USP6NL: variants seen among roughly 807,000 people sequenced by gnomAD.
USP6NL encodes USP6 N-terminal-like protein.
A neutral mutation model predicts 61.9 loss-of-function variants in USP6NL; 26 were observed. That is an observed-to-expected ratio of 0.42 (90% CI 0.31 to 0.58). The LOEUF (loss-of-function observed/expected upper bound fraction) is 0.58. Among genes scored for constraint, USP6NL ranks in the 20% least tolerant of loss-of-function variants. The pLI is 0.16. For synonymous variants in USP6NL, 432 were observed against 390.1 expected (o/e 1.11, Z -1.27); for missense variants, 1,114 against 1,034.3 (o/e 1.08, Z -1.06).
At chr10:11,551,836 T>C (rs564969580) in intron 2 of USP6NL, among the ~76,000 whole-genome samples, 4 of 152,336 alleles carry the variant, frequency 2.6e-5, no homozygotes, top group African/African-American at 9.6e-5. Context: ...CACTGTAATT[T>C]TGTATCAAAT....
chr10:11,485,374 C>A lies in USP6NL; in HGVS notation c.760-140G>T, dbSNP rs1442908391. On this transcript the variant is annotated intron_variant, in intron 11 of 14. Coordinates refer to ENST00000609104, the MANE Select transcript of USP6NL (RefSeq NM_014688.5). The surrounding 1 kb of genome is among the most constrained non-coding windows in gnomAD (Gnocchi z 4.8). ...TCAAAATCACTCCAAGAATAAATTC[C>A]TCTTAGGACTGTAATACAACAATTA... The A allele has an allele frequency of 4.6e-6, 3 of 656,470 alleles. No homozygotes were observed. Among genetic ancestry groups the A allele is most frequent in the Non-Finnish European group, 7.6e-6 (3 of 396,902 alleles). The allele number at this position is 656,470 out of a possible 1,614,324, so 40.7% of individuals were successfully genotyped here.
chr10:11,475,301 CAAAAA>C (rs766814955), intron 14 of USP6NL, among the ~76,000 whole-genome samples: 2 of 127,590 alleles, frequency 1.6e-5, no homozygotes, highest in East Asian at 4.2e-4. Context: ...GAAAGTTTGC[CAAAAA>C]AAAAAAAAAA....
At chr10:11,506,099 G>C (rs1838472712) in intron 6 of USP6NL, among the ~76,000 whole-genome samples, 1 of 152,140 alleles carries the variant, frequency 6.6e-6, no homozygotes, top group Non-Finnish European at 1.5e-5. Context: ...ACATTCTTTT[G>C]CTTGTTGCTA....
intron 2 of USP6NL, among the ~76,000 whole-genome samples, chr10:11,542,767 G>C (rs913036169): frequency 6.6e-6 from 1 of 152,102 alleles, no homozygotes; most frequent in Non-Finnish European, 1.5e-5. Context: ...TCACCATGTG[G>C]ACAAGGAGAG....
At chr10:11,593,143 T>A (rs1292734711) in intron 2 of USP6NL, among the ~76,000 whole-genome samples, 1 of 152,216 alleles carries the variant, frequency 6.6e-6, no homozygotes, top group Non-Finnish European at 1.5e-5. Flanking sequence ...AGAAAAACTC[T>A]TAGGAAATCT....
intron 2 of USP6NL, among the ~76,000 whole-genome samples, chr10:11,558,607 A>C (rs1296125499): frequency 6.6e-6 from 1 of 152,160 alleles, no homozygotes; most frequent in Non-Finnish European, 1.5e-5. Context: ...TGGAACCCAT[A>C]ATCAAACCAC....
chr10:11,498,008 C>T (rs1171814631), intron 7 of USP6NL, among the ~76,000 whole-genome samples: 1 of 151,842 alleles, frequency 6.6e-6, no homozygotes, highest in Non-Finnish European at 1.5e-5. Flanking sequence ...GAGGCCAAGG[C>T]GGGTGGATCA....
rs1225619518 is a variant in USP6NL at position 11,600,719 on chromosome 10, C to T, written c.-83-3002G>A. On this transcript the variant is annotated intron_variant, in intron 1 of 14. Transcript: ENST00000609104. The surrounding 1 kb of genome is among the most constrained non-coding windows in gnomAD (Gnocchi z 4.1). Reference sequence around the variant, plus strand: ...GCACGGTGGCTCACGCCTGTAATCCCAGCACTTTGGGAGGCCGAGGCGGGT... The same window carrying T: ...GCACGGTGGCTCACGCCTGTAATCCTAGCACTTTGGGAGGCCGAGGCGGGT... Among the ~76,000 whole-genome samples, 1 of 152,088 alleles carries T rather than the reference C, an allele frequency of 6.6e-6. No individual in the cohort carries two copies. The highest frequency in any genetic ancestry group is 1.5e-5 in the Non-Finnish European group (1 of 68,016).
At position 11,518,543 on chromosome 10, in the gene USP6NL, C is replaced by A. The variant is rs1484885007; in HGVS notation, c.187G>T (p.Val63Leu). 26 of 1,612,948 alleles carry A rather than the reference C, an allele frequency of 1.6e-5. No homozygotes were observed. The highest frequency in any genetic ancestry group is 2.0e-5 in the Non-Finnish European group (24 of 1,179,532). Residue 63 changes from valine to leucine, a missense_variant, in exon 5 of 15, where the codon GTG becomes TTG. By Grantham distance (32) the Val-to-Leu change is conservative. Coordinates refer to ENST00000609104, the MANE Select transcript of USP6NL (RefSeq NM_014688.5). The surrounding 1 kb of genome is among the most constrained non-coding windows in gnomAD (Gnocchi z 5.3). ...EEELPDHNVA[V>L]ERQKHLEIER... ...TCAAGAGCAGGACTTACCCGTTCCACAGCCACATTATGATCTGGGAGCTCC... is the reference window on the plus strand; with the variant it reads ...TCAAGAGCAGGACTTACCCGTTCCAAAGCCACATTATGATCTGGGAGCTCC...
chr10:11,554,043 CT>C (rs1836592142), intron 2 of USP6NL, among the ~76,000 whole-genome samples: 5 of 152,288 alleles, frequency 3.3e-5, no homozygotes, highest in Admixed American at 3.3e-4. Flanking sequence ...CCTCTATCCT[CT>C]GTAAGGCCTC....
chr10:11,461,864 T>C lies in USP6NL; in HGVS notation c.*577A>G, dbSNP rs1286283044. 6.6e-6 allele frequency: 1 copy of C among 152,528 alleles called. No homozygotes were observed. The highest frequency in any genetic ancestry group is 1.5e-5 in the Non-Finnish European group (1 of 68,310). The allele number at this position is 152,528 out of a possible 1,614,324, so 9.4% of individuals were successfully genotyped here. ...GTCAGGACAAACTCTTCAGTCAGTTTAGGACCCAGGTTACAAATATATGAG... is the reference window on the plus strand; with the variant it reads ...GTCAGGACAAACTCTTCAGTCAGTTCAGGACCCAGGTTACAAATATATGAG... On this transcript the variant is annotated 3_prime_UTR_variant, in exon 15 of 15. Transcript: ENST00000609104.
At chr10:11,607,421 C>T (rs1232939730) in intron 1 of USP6NL, among the ~76,000 whole-genome samples, 3 of 152,160 alleles carry the variant, frequency 2.0e-5, no homozygotes, top group African/African-American at 7.2e-5. Context: ...AAGTGGCTCA[C>T]AACTGCAATC....
intron 1 of USP6NL, among the ~76,000 whole-genome samples, chr10:11,599,466 A>C (rs1222774068): frequency 6.6e-6 from 1 of 152,232 alleles, no homozygotes; most frequent in Admixed American, 6.5e-5. Flanking sequence ...AGTTCTTAAG[A>C]CATCAAGAGT....
At position 11,485,139 on chromosome 10, in the gene USP6NL, T is replaced by G; in HGVS notation, c.825+30A>C. 1.3e-6 allele frequency: 2 copies of G among 1,537,544 alleles called. No individual in the cohort carries two copies. Among genetic ancestry groups the G allele is most frequent in the Non-Finnish European group, 8.8e-7 (1 of 1,142,674 alleles). On this transcript the variant is annotated intron_variant, in intron 12 of 14. Transcript: ENST00000609104. The surrounding 1 kb of genome is among the most constrained non-coding windows in gnomAD (Gnocchi z 4.8). Reference sequence around the variant, plus strand: ...TCCCCTCACCTTGTATTTATAATTTTATGACTGAGTTTTGTAAATAAATAC... The same window carrying G: ...TCCCCTCACCTTGTATTTATAATTTGATGACTGAGTTTTGTAAATAAATAC...
rs537327813 is a variant in USP6NL, at chr10:11,567,399, A to G, written c.4+30232T>C. On this transcript the variant is annotated intron_variant, in intron 2 of 14. Coordinates refer to ENST00000609104, the MANE Select transcript of USP6NL (RefSeq NM_014688.5). ...TGGACTCATTTTTCTTTAAAACATT[A>G]TTAAATTAATTACAACCTGTACTAA... Among the ~76,000 whole-genome samples the G allele has an allele frequency of 3.3e-5, 5 of 152,336 alleles. No individual in the cohort carries two copies. In the East Asian group the frequency reaches 9.6e-4, roughly 29 times the overall value.
rs923527176 is a variant in USP6NL at position 11,585,465 on chromosome 10, A to T, written c.4+12166T>A. On this transcript the variant is annotated intron_variant, in intron 2 of 14. Transcript: ENST00000609104. The surrounding 1 kb of genome is among the most constrained non-coding windows in gnomAD (Gnocchi z 4.5). ...AGCACGAGGTCAGGAGATTGAGACC[A>T]TCCTGGCTAACACAGTGAAACCCCG... is the stretch of plus-strand genomic sequence containing the variant. Among the ~76,000 whole-genome samples the T allele has an allele frequency of 1.3e-5, 2 of 152,162 alleles. No individual in the cohort carries two copies. The highest frequency in any genetic ancestry group is 2.9e-5 in the Non-Finnish European group (2 of 68,030).
At position 11,470,793 on chromosome 10, in the gene USP6NL, C is replaced by T. The variant is rs757273117; in HGVS notation, c.1079-6944G>A. The stretch of plus-strand genomic sequence containing the variant: ...CATTCCTATTTATTATCCACGCTTG[C>T]ATTCTGGGCTTCTTTTCAATAGACA... On this transcript the variant is annotated intron_variant, in intron 14 of 14. Transcript: ENST00000609104. This position sits in a 1 kb window ranked among gnomAD's most constrained non-coding sequence, Gnocchi z 5.4. 5.9e-5 allele frequency among the ~76,000 whole-genome samples: 9 copies of T among 152,214 alleles called. No homozygotes were observed. The highest frequency in any genetic ancestry group is 8.8e-5 in the Non-Finnish European group (6 of 68,032).
intron 2 of USP6NL, chr10:11,565,745 C>T (rs1280048746): frequency 6.6e-6 from 1 of 152,138 alleles, no homozygotes; most frequent in Non-Finnish European, 1.5e-5. Flanking sequence ...AGCTACTATC[C>T]AGCCGCTCAC....
chr10:11,573,389 T>C (rs1271515760), intron 2 of USP6NL: 3 of 364,878 alleles, frequency 8.2e-6, no homozygotes. Context: ...TCTGTACCTC[T>C]TAATAATATC....
Sources: allele counts gnomAD v4.1 joint callset (sites outside exome capture counted in the v4.1 genomes callset), GRCh38; gene constraint gnomAD v4.1.1; non-coding constraint Gnocchi (gnomAD v3.1); transcripts MANE v1.5; gene names NCBI Gene and HGNC (gene_info 2026-07-23, HGNC 2026-07-21).